The following PDGFD variants were observed in gnomAD, a reference collection of about 807,000 sequenced individuals.
PDGFD encodes platelet-derived growth factor D.
A neutral mutation model predicts 44.7 loss-of-function variants in PDGFD; 30 were observed. The observed-to-expected ratio is 0.67, with a 90% CI of 0.50 to 0.91. PDGFD has a LOEUF of 0.91. PDGFD is among the 40% of genes least tolerant of loss of function. PDGFD has a pLI of 0.00. For synonymous variants in PDGFD, 173 were observed against 168.4 expected, an observed-to-expected ratio of 1.03 and a Z score of -0.21; for missense variants, 445 against 457.8, an observed-to-expected ratio of 0.97 and a Z score of 0.25.
In PDGFD at chr11:104,103,377, T is replaced by G. The variant is rs755603826; in HGVS notation, c.124+60427A>C. On this transcript the variant is annotated intron_variant, in intron 1 of 6. Coordinates refer to ENST00000393158, the MANE Select transcript of PDGFD (RefSeq NM_025208.5). ...CTATTTGTGTGTATCCACTTATACC[T>G]AAATCTTTCACCTGAACATATTTCT... 2.4e-4 allele frequency among the ~76,000 whole-genome samples: 37 copies of G among 151,510 alleles called. 1 individual carries two copies. Among genetic ancestry groups the G allele is most frequent in the Middle Eastern group, 6.8e-3 (2 of 294 alleles).
intron 3 of PDGFD, among the ~76,000 whole-genome samples, chr11:103,950,587 TA>T (rs1858740080): frequency 6.6e-6 from 1 of 151,392 alleles, no homozygotes; most frequent in Non-Finnish European, 1.5e-5. Context: ...AATAAATAAA[TA>T]AATAAATAAG....
chr11:104,054,519 A>T (rs1591141196), intron 1 of PDGFD, among the ~76,000 whole-genome samples: 1 of 150,038 alleles, frequency 6.7e-6, no homozygotes, highest in Non-Finnish European at 1.5e-5. Flanking sequence ...GTTCAATCAT[A>T]TCAGAAATAA....
intron 1 of PDGFD, among the ~76,000 whole-genome samples, chr11:104,156,219 G>T (rs1317064263): frequency 6.6e-6 from 1 of 152,104 alleles, no homozygotes; most frequent in Admixed American, 6.5e-5. Flanking sequence ...CAGGCATGGT[G>T]GCATGTGCCT....
At chr11:104,148,161 C>T (rs560607409) in intron 1 of PDGFD, among the ~76,000 whole-genome samples, 2 of 152,204 alleles carry the variant, frequency 1.3e-5, no homozygotes, top group Admixed American at 6.5e-5. Context: ...AAATAACTAG[C>T]AACATCAACT....
chr11:103,965,101 T>A (rs72986830), intron 3 of PDGFD, among the ~76,000 whole-genome samples: 1 of 151,848 alleles, frequency 6.6e-6, no homozygotes, highest in African/African-American at 2.4e-5. Context: ...AAAGGAAAAC[T>A]TTTTATTTTA....
At chr11:103,942,751 C>T (rs1444476236) in intron 5 of PDGFD, among the ~76,000 whole-genome samples, 1 of 152,132 alleles carries the variant, frequency 6.6e-6, no homozygotes, top group African/African-American at 2.4e-5. Context: ...AACCAATCTT[C>T]ACACCTATCA....
chr11:104,014,089 A>G (rs541896752), intron 1 of PDGFD, among the ~76,000 whole-genome samples: 2 of 152,320 alleles, frequency 1.3e-5, no homozygotes, highest in East Asian at 1.9e-4. Flanking sequence ...ACAAATTAAC[A>G]ATGTCTCGCA....
chr11:104,124,351 C>T lies in PDGFD; in HGVS notation c.124+39453G>A, dbSNP rs563948255. Among the ~76,000 whole-genome samples, 12 of 152,102 alleles carry T rather than the reference C, an allele frequency of 7.9e-5. No individual in the cohort carries two copies. In the South Asian group the frequency reaches 2.5e-3, roughly 32 times the overall value. ...TAAAAGGACTTTCTTAATATTGAGC[C>T]ACTAACTGTGAACGGGCTGTATAAT... is the stretch of plus-strand genomic sequence containing the variant. On this transcript the variant is annotated intron_variant, in intron 1 of 6. Transcript: ENST00000393158.
At chr11:104,068,606 G>C (rs1453231440) in intron 1 of PDGFD, among the ~76,000 whole-genome samples, 3 of 152,062 alleles carry the variant, frequency 2.0e-5, no homozygotes, top group Non-Finnish European at 2.9e-5. Flanking sequence ...ATTTCATAAG[G>C]TATTAAATTG....
At chr11:104,148,462 T>C (rs1048335779) in intron 1 of PDGFD, among the ~76,000 whole-genome samples, 1 of 152,162 alleles carries the variant, frequency 6.6e-6, no homozygotes, top group African/African-American at 2.4e-5. Flanking sequence ...GGATGTATTG[T>C]AAGTATAAAA....
At chr11:104,131,108 A>G (rs888299034) in intron 1 of PDGFD, among the ~76,000 whole-genome samples, 2 of 152,226 alleles carry the variant, frequency 1.3e-5, no homozygotes, top group Non-Finnish European at 2.9e-5. Flanking sequence ...ATGAAGTTGT[A>G]GTCAGTCTTT....
intron 1 of PDGFD, among the ~76,000 whole-genome samples, chr11:104,150,177 T>A (rs1355084120): frequency 1.3e-5 from 2 of 152,048 alleles, no homozygotes; most frequent in African/African-American, 2.4e-5. Flanking sequence ...AAATGACACA[T>A]GAGGTTAATG....
intron 3 of PDGFD, among the ~76,000 whole-genome samples, chr11:103,990,586 C>A (rs935963955): frequency 5.3e-5 from 8 of 152,158 alleles, no homozygotes; most frequent in African/African-American, 1.9e-4. Context: ...ATCTCCAGGG[C>A]ACTGGACATG....
intron 4 of PDGFD, chr11:103,945,470 T>C (rs1858655133): frequency 2.6e-5 from 4 of 152,214 alleles, no homozygotes; most frequent in Admixed American, 2.6e-4. Context: ...CTGGCTAACA[T>C]GCACCAGATG....
chr11:104,066,435 C>T (rs1044761692), intron 1 of PDGFD, among the ~76,000 whole-genome samples: 11 of 152,048 alleles, frequency 7.2e-5, no homozygotes, highest in Admixed American at 7.2e-4. Context: ...GGTCTGGCTT[C>T]ATTACTGTAA....
intron 1 of PDGFD, among the ~76,000 whole-genome samples, chr11:104,008,688 TG>T (rs1468803386): frequency 1.9e-4 from 29 of 152,120 alleles, no homozygotes; most frequent in Non-Finnish European, 2.6e-4. Context: ...TCAAAAGTGC[TG>T]TATAATTTCT....
At chr11:103,984,483 T>C (rs1282456334) in intron 3 of PDGFD, among the ~76,000 whole-genome samples, 1 of 151,446 alleles carries the variant, frequency 6.6e-6, no homozygotes, top group Admixed American at 6.6e-5. Flanking sequence ...CCTGGGTGAT[T>C]AAATAATCTG....
chr11:104,148,752 A>C (rs928468504), intron 1 of PDGFD, among the ~76,000 whole-genome samples: 2 of 151,936 alleles, frequency 1.3e-5, no homozygotes, highest in Non-Finnish European at 2.9e-5. Context: ...CCCACCCTTC[A>C]TCCTCTGAAA....
chr11:104,159,239 G>A (rs1221015680), intron 1 of PDGFD, among the ~76,000 whole-genome samples: 3 of 150,818 alleles, frequency 2.0e-5, no homozygotes, highest in Non-Finnish European at 4.4e-5. Context: ...GATCTGAAAA[G>A]AGAGAGCCTT....
Sources: gnomAD v4.1 joint callset for allele counts (sites outside exome capture counted in the v4.1 genomes callset) on GRCh38, gnomAD v4.1.1 for gene constraint, MANE v1.5 for transcripts, NCBI Gene and HGNC (gene_info 2026-07-23, HGNC 2026-07-21) for gene names.